FGG: variants seen among roughly 807,000 people sequenced by gnomAD.
FGG encodes the protein fibrinogen, gamma polypeptide.
Under a neutral mutation model 51.7 loss-of-function variants are expected in FGG, and 20 were observed. The ratio of observed to expected loss-of-function variants is 0.39; its 90% CI spans 0.27 to 0.56. The LOEUF is 0.56. FGG is among the 20% of genes least tolerant of loss of function. The probability of loss-of-function intolerance (pLI) is 0.64; values close to 1 mark genes in which losing one functional copy is unlikely to be tolerated. For missense variants in FGG, 460 were observed against 534.2 expected, an observed-to-expected ratio of 0.86 and a Z score of 1.37; for synonymous variants, 184 against 184.7, an observed-to-expected ratio of 1.00 and a Z score of 0.03.
At chr4:154,606,407 T>C (rs1440421515) in intron 8 of FGG, among the ~76,000 whole-genome samples, 1 of 152,202 alleles carries the variant, frequency 6.6e-6, no homozygotes, top group Non-Finnish European at 1.5e-5. Flanking sequence ...TCATTTATGT[T>C]GTATGTCTAA....
At position 154,609,222 on chromosome 4, in the gene FGG, G is replaced by C. The variant is rs1187193485; in HGVS notation, c.666+408C>G. Among the ~76,000 whole-genome samples the C allele has an allele frequency of 2.0e-5, 3 of 152,098 alleles. No individual in the cohort carries two copies. The South Asian group carries it at 6.2e-4, about 32-fold the overall frequency. On this transcript the variant is annotated intron_variant, in intron 6 of 8. Transcript: ENST00000336098. The stretch of plus-strand genomic sequence containing the variant: ...TGATGGTGGTGGGGTGGTGGGGGGT[G>C]GTGTTGGGCTTCCTCATCTTGTGAT...
intron 5 of FGG, 126 bp downstream of exon 5, chr4:154,609,941 A>G: frequency 6.6e-7 from 1 of 1,512,446 alleles, no homozygotes; most frequent in Non-Finnish European, 9.2e-7. Context: ...AGGTCTAGAC[A>G]ACTGAAATTC....
Position 154,604,335 on chromosome 4 carries a change from G to A in FGG, c.*499C>T. On this transcript the variant is annotated 3_prime_UTR_variant, in exon 9 of 9. Coordinates refer to ENST00000336098, the MANE Select transcript of FGG (RefSeq NM_021870.3). ...AAAAAAGTAAATCTCTTTTGAAACG[G>A]TCTTTTAAACGTCTCCAGCCTGTGA... is the stretch of plus-strand genomic sequence containing the variant. 6.6e-7 allele frequency: 1 copy of A among 1,513,400 alleles called. No homozygotes were observed. Among genetic ancestry groups the A allele is most frequent in the Admixed American group, 2.3e-5 (1 of 43,052 alleles). 93.7% of individuals were successfully genotyped at this position (1,513,400 alleles called of 1,614,324 possible).
At chr4:154,606,366 G>C (rs554017013) in intron 8 of FGG, among the ~76,000 whole-genome samples, 2 of 152,146 alleles carry the variant, frequency 1.3e-5, no homozygotes, top group Non-Finnish European at 2.9e-5. Flanking sequence ...GTGTCAACAA[G>C]CATCCATGTA....
rs141559764 is a variant in FGG at position 154,610,097 on chromosome 4, T to A, written c.502A>T (p.Thr168Ser). 6.2e-7 allele frequency: 1 copy of A among 1,613,904 alleles called. No individual in the cohort carries two copies. The highest frequency in any genetic ancestry group is 8.5e-7 in the Non-Finnish European group (1 of 1,179,824). Reference protein sequence around the residue: ...EAQCQEPCKDTVQIHDITGKD... With the variant: ...EAQCQEPCKDSVQIHDITGKD... ...CCAGTGATATCATGGATTTGCACCG[T>A]GTCTTTGCAAGGTTCCTGGCACTGT... is the stretch of plus-strand genomic sequence containing the variant. The change falls in exon 5 of 9, where the codon ACG (threonine) becomes TCG (serine). Residue 168 changes from threonine (T) to serine (S), a missense_variant. Coordinates refer to ENST00000336098, the MANE Select transcript of FGG (RefSeq NM_021870.3).
intron 6 of FGG, 60 bp downstream of exon 6, chr4:154,609,570 T>G: frequency 6.3e-7 from 1 of 1,597,688 alleles, no homozygotes; most frequent in Non-Finnish European, 8.6e-7. Context: ...GAAAAGTATC[T>G]GCCATATGGC....
intron 2 of FGG, 77 bp downstream of exon 2, chr4:154,612,314 A>G: frequency 6.3e-7 from 1 of 1,588,504 alleles, no homozygotes; most frequent in Non-Finnish European, 8.6e-7. Flanking sequence ...GCCAGATGAT[A>G]TTTATGAGGG....
At chr4:154,606,482 C>T (rs1731098549) in intron 8 of FGG, among the ~76,000 whole-genome samples, 1 of 152,170 alleles carries the variant, frequency 6.6e-6, no homozygotes, top group African/African-American at 2.4e-5. Context: ...TGCCAAACTA[C>T]TGGATATTTT....
intron 8 of FGG, among the ~76,000 whole-genome samples, chr4:154,605,641 C>T (rs925059025): frequency 3.9e-5 from 6 of 152,214 alleles, no homozygotes; most frequent in East Asian, 1.9e-4. Flanking sequence ...TCTGGCATGG[C>T]GCCCCGGGTC....
chr4:154,606,918 A>G lies in FGG; in HGVS notation c.916T>C (p.Tyr306His), dbSNP rs763232117. ...EADKYRLTYAYFAGGDAGDAF... is the reference protein window; with the variant it reads ...EADKYRLTYAHFAGGDAGDAF... ...TCTCCAGCATCCCCACCAGCGAAGT[A>G]GGCATATGTTAGGCGGTACTTGTCA... is the stretch of plus-strand genomic sequence containing the variant. The change falls in exon 8 of 9, where the codon TAC becomes CAC. Residue 306 changes from tyrosine to histidine, a missense_variant. Physicochemically the swap from Tyr to His is moderately conservative, Grantham distance 83. This residue lies in a region of FGG where 353 missense variants were observed against 391.7 expected (regional missense o/e 0.90). Coordinates refer to ENST00000336098, the MANE Select transcript of FGG (RefSeq NM_021870.3). 6.2e-7 allele frequency: 1 copy of G among 1,613,818 alleles called. No individual in the cohort carries two copies. The highest frequency in any genetic ancestry group is 1.1e-5 in the South Asian group (1 of 91,044).
In FGG at chr4:154,604,199, G is replaced by T. The variant is rs1022634840; in HGVS notation, c.*635C>A. On this transcript the variant is annotated 3_prime_UTR_variant, in exon 9 of 9. Coordinates refer to ENST00000336098, the MANE Select transcript of FGG (RefSeq NM_021870.3). ...GATAAATTATCATCAGCATAAAACT[G>T]TTATGGAGTTTTCAACATGGGGTCT... 1.6e-5 allele frequency: 9 copies of T among 570,488 alleles called. No individual in the cohort carries two copies. The highest frequency in any genetic ancestry group is 2.4e-5 in the Non-Finnish European group (8 of 336,946). The allele number at this position is 570,488 out of a possible 1,614,324, so 35.3% of individuals were successfully genotyped here.
Position 154,604,567 on chromosome 4 carries a change from T to C in FGG, c.*267A>G. ...CGAAGACAAAATAAATGACAAGTGG[T>C]CATAAAAATGCAAATAAAGTCAATC... is the stretch of plus-strand genomic sequence containing the variant. On this transcript the variant is annotated 3_prime_UTR_variant, in exon 9 of 9. Coordinates refer to ENST00000336098, the MANE Select transcript of FGG (RefSeq NM_021870.3). 3 of 1,163,358 alleles carry C rather than the reference T, an allele frequency of 2.6e-6. No homozygotes were observed. The highest frequency in any genetic ancestry group is 1.6e-5 in the African/African-American group (1 of 62,656). The allele number at this position is 1,163,358 out of a possible 1,614,324, so 72.1% of individuals were successfully genotyped here.
chr4:154,612,464 C>G, intron 1 of FGG, 29 bp from the exon 2 acceptor site: 2 of 1,613,764 alleles, frequency 1.2e-6, no homozygotes, highest in Non-Finnish European at 1.7e-6. Context: ...AGAAATTTCA[C>G]TAGTTTATTA....
intron 5 of FGG, 145 bp downstream of exon 5, chr4:154,609,922 A>C (rs1731171296): frequency 6.7e-7 from 1 of 1,502,922 alleles, no homozygotes; most frequent in Non-Finnish European, 9.2e-7. Flanking sequence ...TTTTTTAGCT[A>C]TTCAAGAAAG....
chr4:154,608,687 G>A, intron 6 of FGG, 37 bp from the exon 7 acceptor site: 1 of 1,547,802 alleles, frequency 6.5e-7, no homozygotes, highest in Non-Finnish European at 8.9e-7. Context: ...GGAGAAAATA[G>A]ACTATCAATG....
In FGG at chr4:154,612,585, T is replaced by C. The variant is rs1731241392; in HGVS notation, c.25A>G (p.Asn9Asp). Residue 9 changes from asparagine (N) to aspartate (D), a missense_variant, in exon 1 of 9, where the codon AAT becomes GAT. This residue lies in a region of FGG where 353 missense variants were observed against 391.7 expected (regional missense o/e 0.90). Transcript: ENST00000336098. The stretch of plus-strand genomic sequence containing the variant: ...AGAGCATAGAAGTAGAGAATTAAAT[T>C]CCGGGGGTGCAAGGACCAACTCATG... Reference protein sequence around the residue: MSWSLHPRNLILYFYALLF... With the variant: MSWSLHPRDLILYFYALLF... 2 of 1,613,892 alleles carry C rather than the reference T, an allele frequency of 1.2e-6. No homozygotes were observed. The highest frequency in any genetic ancestry group is 1.7e-6 in the Non-Finnish European group (2 of 1,179,878).
chr4:154,611,679 C>T (rs1005243340), intron 4 of FGG, 126 bp downstream of exon 4: 19 of 655,368 alleles, frequency 2.9e-5, no homozygotes, highest in Non-Finnish European at 4.4e-5. Flanking sequence ...TCAACATAAT[C>T]AGGCATAATG....
Position 154,604,499 on chromosome 4 carries a change from A to G in FGG, c.*335T>C, listed in dbSNP as rs1406899040. 1 of 1,098,904 alleles carries G rather than the reference A, an allele frequency of 9.1e-7. No individual in the cohort carries two copies. Among genetic ancestry groups the G allele is most frequent in the Non-Finnish European group, 1.2e-6 (1 of 801,884 alleles). The allele number at this position is 1,098,904 out of a possible 1,614,324, so 68.1% of individuals were successfully genotyped here. A position where few individuals can be genotyped will look rare whatever the true frequency, so the allele number is the denominator to read the frequency against. On this transcript the variant is annotated 3_prime_UTR_variant, in exon 9 of 9. Coordinates refer to ENST00000336098, the MANE Select transcript of FGG (RefSeq NM_021870.3). Reference sequence around the variant, plus strand: ...AAACTCTAAAATGTTCTCCTATTTTATTAAGTACATACTAAAATATTTGAT... The same window carrying G: ...AAACTCTAAAATGTTCTCCTATTTTGTTAAGTACATACTAAAATATTTGAT...
At chr4:154,605,118 T>G (rs769216043) in intron 8 of FGG, 52 bp from the exon 9 acceptor site, 1 of 1,603,930 alleles carries the variant, frequency 6.2e-7, no homozygotes, top group East Asian at 2.2e-5. Context: ...TTTTTACCTC[T>G]GCAAGTCTAT....
Sources: allele counts gnomAD v4.1 joint callset (sites outside exome capture counted in the v4.1 genomes callset), GRCh38; gene constraint gnomAD v4.1.1; regional missense constraint gnomAD v4.1.1; transcripts MANE v1.5; gene names NCBI Gene and HGNC (gene_info 2026-07-23, HGNC 2026-07-21).